Variants in PDE4D observed in about 807,000 individuals in gnomAD.
PDE4D encodes 3',5'-cyclic-AMP phosphodiesterase 4D.
In PDE4D, 24 loss-of-function variants were observed where a neutral mutation model predicts 87.4. That is an observed-to-expected ratio of 0.27 (90% CI 0.20 to 0.39). The LOEUF (loss-of-function observed/expected upper bound fraction) is 0.39, where lower values mean the gene tolerates loss of function less well. PDE4D is among the 10% of genes least tolerant of loss of function. The pLI, the probability that PDE4D is intolerant of heterozygous loss-of-function variation, is 1.00. For synonymous variants in PDE4D, 384 were observed against 383.2 expected, an observed-to-expected ratio of 1.00 and a Z score of -0.02; for missense variants, 714 against 1,041.0, an observed-to-expected ratio of 0.69 and a Z score of 4.32.
chr5:59,583,658 A>C (rs1304953334), intron 1 of PDE4D, among the ~76,000 whole-genome samples: 1 of 152,242 alleles, frequency 6.6e-6, no homozygotes, highest in African/African-American at 2.4e-5. Flanking sequence ...TATTAACTTT[A>C]ACTCATAACT....
chr5:60,004,692 T>C (rs1358627513), intron 2 of PDE4D, among the ~76,000 whole-genome samples: 3 of 152,088 alleles, frequency 2.0e-5, no homozygotes, highest in Non-Finnish European at 2.9e-5. Flanking sequence ...AAAGATGACA[T>C]ACAAATGGCC....
chr5:59,895,679 A>G (rs1212695088), upstream of PDE4D, among the ~76,000 whole-genome samples: 1 of 152,254 alleles, frequency 6.6e-6, no homozygotes, highest in Non-Finnish European at 1.5e-5. Flanking sequence ...ACCATTTTAA[A>G]GAAGTACACA....
chr5:59,601,680 C>A (rs762307195), intron 1 of PDE4D, among the ~76,000 whole-genome samples: 2 of 152,038 alleles, frequency 1.3e-5, no homozygotes, highest in Non-Finnish European at 2.9e-5. Flanking sequence ...CCAGTGATTA[C>A]TTTAACCTTC....
chr5:59,751,457 T>C (rs1760445321), intron 1 of PDE4D, among the ~76,000 whole-genome samples: 1 of 152,134 alleles, frequency 6.6e-6, no homozygotes, highest in South Asian at 2.1e-4. Context: ...GTGCACATAC[T>C]TGTGGCTTAG....
At chr5:59,943,655 C>G (rs1757420295) in intron 3 of PDE4D, among the ~76,000 whole-genome samples, 1 of 152,172 alleles carries the variant, frequency 6.6e-6, no homozygotes. Flanking sequence ...CTCTGCAGTT[C>G]CAGCAACTGA....
intron 1 of PDE4D, among the ~76,000 whole-genome samples, chr5:60,437,892 C>T (rs1331619034): frequency 6.6e-6 from 1 of 151,956 alleles, no homozygotes; most frequent in Admixed American, 6.6e-5. Context: ...TTCTACTTTC[C>T]TTCATTAGAA....
At chr5:59,536,504 C>CAAAAAAAAAAAAAAAAAAAAAAAAAAAA (rs10586960) in intron 1 of PDE4D, among the ~76,000 whole-genome samples, 1 of 56,384 alleles carries the variant, frequency 1.8e-5, no homozygotes, top group African/African-American at 9.3e-5. Context: ...GACTCAGCCT[C>CAAAAAAAAAAAAAAAAAAAAAAAAAAAA]AAAAAAAAAA....
chr5:58,998,289 A>G (rs1023964682), intron 6 of PDE4D, among the ~76,000 whole-genome samples: 2 of 152,158 alleles, frequency 1.3e-5, no homozygotes, highest in Admixed American at 6.5e-5. Flanking sequence ...GTTCATAATC[A>G]TAGTACAAAT....
intron 5 of PDE4D, among the ~76,000 whole-genome samples, chr5:59,173,386 G>A (rs1167646228): frequency 6.6e-6 from 1 of 152,104 alleles, no homozygotes; most frequent in Non-Finnish European, 1.5e-5. Context: ...GTAAGAAAGA[G>A]AACTGACTTT....
At chr5:59,270,643 A>G (rs1436946396) in intron 1 of PDE4D, among the ~76,000 whole-genome samples, 1 of 152,184 alleles carries the variant, frequency 6.6e-6, no homozygotes, top group Non-Finnish European at 1.5e-5. Flanking sequence ...TCACAAAGCT[A>G]TTTTTCAACA....
chr5:60,080,966 C>A (rs981076190), intron 2 of PDE4D, among the ~76,000 whole-genome samples: 2 of 152,124 alleles, frequency 1.3e-5, no homozygotes, highest in Non-Finnish European at 2.9e-5. Context: ...ACCAGTTCCT[C>A]TTTGTATTTC....
At chr5:59,266,730 A>G (rs1762920955) in intron 1 of PDE4D, among the ~76,000 whole-genome samples, 1 of 152,030 alleles carries the variant, frequency 6.6e-6, no homozygotes, top group African/African-American at 2.4e-5. Flanking sequence ...AAAAGAAGAA[A>G]CTTGAACAGT....
intron 3 of PDE4D, among the ~76,000 whole-genome samples, chr5:59,940,976 G>C (rs969156980): frequency 6.6e-6 from 1 of 152,112 alleles, no homozygotes; most frequent in South Asian, 2.1e-4. Context: ...TATATTTTTT[G>C]TTTCTTTCCA....
At chr5:60,391,662 G>A (rs983880930) in intron 1 of PDE4D, among the ~76,000 whole-genome samples, 2 of 151,442 alleles carry the variant, frequency 1.3e-5, no homozygotes, top group African/African-American at 4.9e-5. Context: ...TATTGAATTG[G>A]GCCCACCAGG....
rs541551321 is a variant in PDE4D, at chr5:59,491,203, T to C, written c.456-275235A>G. Among the ~76,000 whole-genome samples, 9 of 152,356 alleles carry C rather than the reference T, an allele frequency of 5.9e-5. No homozygotes were observed. In the South Asian group the frequency reaches 1.9e-3, roughly 32 times the overall value. On this transcript the variant is annotated intron_variant, in intron 1 of 14. Transcript: ENST00000340635. ...TCTCTATGTTTAAAACATCTCATTATTCTTTTTAAAAAGAATAAAATGAGT... is the reference window on the plus strand; with the variant it reads ...TCTCTATGTTTAAAACATCTCATTACTCTTTTTAAAAAGAATAAAATGAGT...
chr5:59,532,376 G>GA lies in PDE4D; in HGVS notation c.456-316409dup, dbSNP rs201162054. On this transcript the variant is annotated intron_variant, in intron 1 of 14. Transcript: ENST00000340635. ...TGGTCTTGAACTCCTGACCTCAGGG[G>GA]ATCTGCCTGCCTCAGCCTCCCAAAG... 4.1e-4 allele frequency among the ~76,000 whole-genome samples: 63 copies of GA among 152,158 alleles called. No homozygotes were observed. In the East Asian group the frequency reaches 9.3e-3, roughly 22 times the overall value.
chr5:59,157,200 C>T (rs542103994), intron 5 of PDE4D: 98 of 635,184 alleles, frequency 1.5e-4, no homozygotes, highest in Middle Eastern at 9.9e-4. Flanking sequence ...TTCCACCAGT[C>T]AGCATAAAAT....
rs571143344 is a variant in PDE4D, at chr5:60,435,138, G to A, written c.-90+52804C>T. Among the ~76,000 whole-genome samples, 40 of 112,598 alleles carry A rather than the reference G, an allele frequency of 3.6e-4. No homozygotes were observed. The Middle Eastern group carries it at 0.017, about 48-fold the overall frequency. The allele number at this position is 112,598 out of a possible 152,430, so 73.9% of individuals were successfully genotyped here. ...TCCTTTATGTCTGCAATGTAAAACCGAACTTGAAAAACTATCTAAGAATAT... is the reference window on the plus strand; with the variant it reads ...TCCTTTATGTCTGCAATGTAAAACCAAACTTGAAAAACTATCTAAGAATAT... On this transcript the variant is annotated intron_variant, in intron 1 of 16. Transcript: ENST00000502484.
intron 1 of PDE4D, among the ~76,000 whole-genome samples, chr5:59,777,943 GTGT>G (rs1193531000): frequency 2.6e-5 from 4 of 152,088 alleles, no homozygotes; most frequent in Non-Finnish European, 5.9e-5. Flanking sequence ...TCTTTTGCAG[GTGT>G]TGTGAATATC....
Sources: allele counts gnomAD v4.1 joint callset (sites outside exome capture counted in the v4.1 genomes callset), GRCh38; gene constraint gnomAD v4.1.1; transcripts MANE v1.5; gene names NCBI Gene and HGNC (gene_info 2026-07-23, HGNC 2026-07-21).